Variants in SYTL5 observed in about 807,000 individuals in gnomAD.
The protein encoded by SYTL5 is synaptotagmin-like protein 5.
SYTL5 carries 34 observed loss-of-function variants against 55.9 expected under a neutral mutation model. The observed-to-expected ratio is 0.61, with a 90% CI of 0.46 to 0.81. SYTL5 has a LOEUF of 0.81. Among genes scored for constraint, SYTL5 ranks in the 30% least tolerant of loss-of-function variants. The pLI is 0.00. For synonymous variants in SYTL5, 221 were observed against 188.7 expected (o/e 1.17, Z -1.40); for missense variants, 637 against 546.7 (o/e 1.17, Z -1.65).
At chrX:38,078,266 G>T (rs868007380) in intron 6 of SYTL5, among the ~76,000 whole-genome samples, 5 of 100,251 alleles carry the variant, frequency 5.0e-5, no homozygotes, top group East Asian at 3.1e-4. Flanking sequence ...TTTTGTTTTT[G>T]TTTTTTTTTT....
intron 2 of SYTL5, 87 bp from the exon 3 acceptor site, chrX:38,054,122 TTCTA>T (rs1212456629): frequency 4.4e-6 from 3 of 677,431 alleles, no homozygotes; most frequent in South Asian, 2.8e-5. Context: ...GAGGCAAATA[TTCTA>T]TCTATTTTAG....
In SYTL5 at chrX:38,097,379, A is replaced by G. The variant is rs1381737250; in HGVS notation, c.1062+1145A>G. Among the ~76,000 whole-genome samples the G allele has an allele frequency of 3.6e-5, 4 of 110,946 alleles. No individual in the cohort carries two copies. In the East Asian group the frequency reaches 8.4e-4, roughly 23 times the overall value. On this transcript the variant is annotated intron_variant, in intron 9 of 16. Coordinates refer to ENST00000297875, the MANE Select transcript of SYTL5 (RefSeq NM_138780.3). Reference sequence around the variant, plus strand: ...AGCAAGGTTGCAGGAGATAAGATCAATATACAAAAATCAACTGTATTTATA... The same window carrying G: ...AGCAAGGTTGCAGGAGATAAGATCAGTATACAAAAATCAACTGTATTTATA...
At chrX:37,889,867 C>T in the SYTL5 span, among the ~76,000 whole-genome samples, 2 of 111,351 alleles carry the variant, frequency 1.8e-5, no homozygotes, top group East Asian at 2.8e-4. Flanking sequence ...AAAAACATAT[C>T]ACAATTATGC....
chrX:37,966,243 T>G, the SYTL5 span, among the ~76,000 whole-genome samples: 3 of 110,640 alleles, frequency 2.7e-5, no homozygotes, highest in Non-Finnish European at 3.8e-5. Flanking sequence ...TTTGATTCCT[T>G]TCTGTCTCTC....
intron 6 of SYTL5, among the ~76,000 whole-genome samples, chrX:38,078,188 C>T (rs1229728277): frequency 9.0e-6 from 1 of 111,666 alleles, no homozygotes; most frequent in Admixed American, 9.5e-5. Flanking sequence ...GCCACCTTGG[C>T]TAACACTTAA....
the SYTL5 span, among the ~76,000 whole-genome samples, chrX:37,921,220 T>G: frequency 1.8e-5 from 2 of 111,625 alleles, no homozygotes; most frequent in African/African-American, 6.5e-5. Context: ...CTCAAGCTAT[T>G]AACTGGAGGA....
the SYTL5 span, among the ~76,000 whole-genome samples, chrX:37,897,407 C>T: frequency 2.9e-5 from 3 of 105,029 alleles, no homozygotes; most frequent in Admixed American, 3.1e-4. Flanking sequence ...CACTTGAATC[C>T]GGGAAGCAGA....
At chrX:37,997,422 G>C in the SYTL5 span, among the ~76,000 whole-genome samples, 1 of 112,441 alleles carries the variant, frequency 8.9e-6, no homozygotes, top group South Asian at 3.7e-4. Context: ...TGCAGACCCA[G>C]GCATCCCTAC....
chrX:37,959,551 G>T, the SYTL5 span, among the ~76,000 whole-genome samples: 2 of 111,622 alleles, frequency 1.8e-5, no homozygotes, highest in African/African-American at 6.5e-5. Context: ...TGGCTCAAAG[G>T]TTAGTTATTG....
intron 2 of SYTL5, among the ~76,000 whole-genome samples, chrX:38,051,444 A>C (rs987300364): frequency 9.0e-6 from 1 of 111,673 alleles, no homozygotes; most frequent in Non-Finnish European, 1.9e-5. Context: ...GTGAGATTGC[A>C]TGGTGGTTCC....
chrX:37,937,622 G>C, the SYTL5 span, among the ~76,000 whole-genome samples: 8 of 112,131 alleles, frequency 7.1e-5, no homozygotes, highest in African/African-American at 2.3e-4. Context: ...CGTCCACCCA[G>C]AATTATGGCC....
chrX:37,998,806 C>T, the SYTL5 span, among the ~76,000 whole-genome samples: 4 of 111,796 alleles, frequency 3.6e-5, no homozygotes, highest in African/African-American at 1.3e-4. Flanking sequence ...CTATTGTATC[C>T]GATTACTGAC....
chrX:38,064,961 C>T (rs1249255851), intron 3 of SYTL5, among the ~76,000 whole-genome samples: 1 of 110,792 alleles, frequency 9.0e-6, no homozygotes, highest in Non-Finnish European at 1.9e-5. Flanking sequence ...CATTGTGATT[C>T]CTGAAATATT....
chrX:38,044,776 A>C (rs923320652), intron 2 of SYTL5, among the ~76,000 whole-genome samples: 1 of 111,838 alleles, frequency 8.9e-6, no homozygotes, highest in African/African-American at 3.2e-5. Flanking sequence ...TTAATACTCG[A>C]GCAAGGTATT....
the SYTL5 span, among the ~76,000 whole-genome samples, chrX:37,913,240 T>A: frequency 4.5e-5 from 5 of 112,299 alleles, no homozygotes; most frequent in Non-Finnish European, 7.5e-5. Flanking sequence ...ACCACAGAGA[T>A]CTTTGTCTGC....
chrX:37,907,131 G>T, the SYTL5 span, among the ~76,000 whole-genome samples: 1 of 112,053 alleles, frequency 8.9e-6, no homozygotes, highest in Non-Finnish European at 1.9e-5. Flanking sequence ...CCATCAAATT[G>T]TTTGGTTTGA....
the SYTL5 span, among the ~76,000 whole-genome samples, chrX:37,986,462 A>G: frequency 1.2e-4 from 14 of 112,278 alleles, no homozygotes; most frequent in Non-Finnish European, 2.1e-4. Flanking sequence ...CAATGTCTGT[A>G]ATCTTTAGAT....
intron 3 of SYTL5, among the ~76,000 whole-genome samples, chrX:38,060,854 T>G (rs932879071): frequency 8.9e-6 from 1 of 112,275 alleles, no homozygotes; most frequent in Admixed American, 9.4e-5. Flanking sequence ...ACAGAACTTC[T>G]GAATCAATTG....
chrX:38,096,897 A>G (rs1356932145), intron 9 of SYTL5, among the ~76,000 whole-genome samples: 1 of 111,414 alleles, frequency 9.0e-6, no homozygotes, highest in East Asian at 2.8e-4. Context: ...ATACTTTAAA[A>G]TCTACCTCCA....
Sources: gnomAD v4.1 joint callset for allele counts (sites outside exome capture counted in the v4.1 genomes callset) on GRCh38, gnomAD v4.1.1 for gene constraint, MANE v1.5 for transcripts, NCBI Gene and HGNC (gene_info 2026-07-23, HGNC 2026-07-21) for gene names.